Variants in CLYBL observed in about 807,000 individuals in gnomAD.
CLYBL encodes citramalyl-CoA lyase.
CLYBL carries 31 observed loss-of-function variants against 38.9 expected under a neutral mutation model. The observed-to-expected ratio is 0.80, with a 90% confidence interval of 0.60 to 1.08. CLYBL has a LOEUF of 1.08. CLYBL is among the 50% of genes least tolerant of loss of function. The pLI is 0.00. For missense variants in CLYBL, 434 were observed against 411.6 expected (o/e 1.05, Z -0.47); for synonymous variants, 171 against 158.6 (o/e 1.08, Z -0.59).
At chr13:99,650,153 C>T (rs2047231312) in intron 1 of CLYBL, among the ~76,000 whole-genome samples, 2 of 151,804 alleles carry the variant, frequency 1.3e-5, no homozygotes, top group South Asian at 4.2e-4. Flanking sequence ...GTCCCAGCTA[C>T]TCGGGAGGCT....
At chr13:99,787,899 T>TA (rs1337456991) in intron 2 of CLYBL, among the ~76,000 whole-genome samples, 2 of 152,230 alleles carry the variant, frequency 1.3e-5, no homozygotes, top group African/African-American at 4.8e-5. Context: ...TAGTTCTCCT[T>TA]AAAGAGGTCC....
chr13:99,881,962 T>C (rs1247723153), intron 7 of CLYBL, among the ~76,000 whole-genome samples: 1 of 152,234 alleles, frequency 6.6e-6, no homozygotes, highest in Non-Finnish European at 1.5e-5. Context: ...AGTTTACTTT[T>C]GCCCAAATTC....
intron 7 of CLYBL, chr13:99,877,721 C>T (rs1987492): frequency 0.22 from 57,505 of 261,192 alleles, 7,220 homozygotes; most frequent in East Asian, 0.38. Context: ...GGATTACAGG[C>T]GCACAACATG....
intron 2 of CLYBL, among the ~76,000 whole-genome samples, chr13:99,816,205 A>C (rs1455546532): frequency 6.6e-6 from 1 of 152,244 alleles, no homozygotes; most frequent in Non-Finnish European, 1.5e-5. Flanking sequence ...CAGTCACCAG[A>C]GACCAATAAG....
intron 1 of CLYBL, among the ~76,000 whole-genome samples, chr13:99,746,078 G>A (rs1194002752): frequency 1.3e-5 from 2 of 150,352 alleles, no homozygotes; most frequent in African/African-American, 4.9e-5. Flanking sequence ...TCTCAAAATT[G>A]CAGAGCCATT....
intron 1 of CLYBL, among the ~76,000 whole-genome samples, chr13:99,643,465 G>A (rs1208490573): frequency 1.3e-5 from 2 of 152,162 alleles, no homozygotes; most frequent in Non-Finnish European, 2.9e-5. Context: ...ACAGGTAGAA[G>A]CCTGAAACCA....
intron 2 of CLYBL, among the ~76,000 whole-genome samples, chr13:99,824,257 G>GCC (rs57450534): frequency 0.3 from 39,224 of 129,384 alleles, 5,345 homozygotes; most frequent in Middle Eastern, 0.38. Context: ...CTGACTAATA[G>GCC]CCCCCCCCAC....
At chr13:99,784,733 C>T (rs7328521) in intron 2 of CLYBL, among the ~76,000 whole-genome samples, 57,307 of 151,662 alleles carry the variant, frequency 0.38, 11,105 homozygotes, top group Middle Eastern at 0.46. Flanking sequence ...GGATTATAGG[C>T]GTAGGCCACC....
chr13:99,671,049 C>G (rs774723093), intron 1 of CLYBL, among the ~76,000 whole-genome samples: 2 of 152,176 alleles, frequency 1.3e-5, no homozygotes, highest in Non-Finnish European at 2.9e-5. Flanking sequence ...TATGACACAC[C>G]GGTCTCCTTT....
At chr13:99,885,318 A>G (rs1368353366) in intron 7 of CLYBL, among the ~76,000 whole-genome samples, 2 of 152,188 alleles carry the variant, frequency 1.3e-5, no homozygotes, top group Non-Finnish European at 2.9e-5. Context: ...TTTGCCAGAC[A>G]GGGAAAGGGC....
chr13:99,676,097 C>T (rs1004739204), intron 1 of CLYBL, among the ~76,000 whole-genome samples: 2 of 152,176 alleles, frequency 1.3e-5, no homozygotes, highest in African/African-American at 4.8e-5. Flanking sequence ...CTCAGGTGAT[C>T]TGCCCGCCTC....
At chr13:99,651,149 C>T (rs1037536491) in intron 1 of CLYBL, among the ~76,000 whole-genome samples, 1 of 152,224 alleles carries the variant, frequency 6.6e-6, no homozygotes, top group Non-Finnish European at 1.5e-5. Context: ...AGTAGCTTTG[C>T]CCAATGTGAT....
At chr13:99,730,383 G>A (rs949468287) in intron 1 of CLYBL, among the ~76,000 whole-genome samples, 4 of 152,254 alleles carry the variant, frequency 2.6e-5, no homozygotes, top group African/African-American at 9.6e-5. Context: ...GGGCAGCCCA[G>A]CACTGCCCAG....
chr13:99,858,431 C>T (rs916487300), intron 2 of CLYBL, among the ~76,000 whole-genome samples: 1 of 152,144 alleles, frequency 6.6e-6, no homozygotes, highest in African/African-American at 2.4e-5. Flanking sequence ...AGCTGACAGA[C>T]GAGATGGCCA....
At chr13:99,880,066 A>ATG (rs1283526295) in intron 7 of CLYBL, among the ~76,000 whole-genome samples, 2 of 60,770 alleles carry the variant, frequency 3.3e-5, no homozygotes, top group East Asian at 1.0e-3. Flanking sequence ...ATATATATAT[A>ATG]TATTTTTTTT....
intron 2 of CLYBL, among the ~76,000 whole-genome samples, chr13:99,811,859 C>T (rs1389996674): frequency 6.6e-6 from 1 of 152,166 alleles, no homozygotes; most frequent in African/African-American, 2.4e-5. Flanking sequence ...CTGAAATCTA[C>T]AGAGAAATAC....
intron 2 of CLYBL, chr13:99,784,074 A>G (rs2049724523): frequency 6.6e-6 from 1 of 152,220 alleles, no homozygotes; most frequent in African/African-American, 2.4e-5. Flanking sequence ...GTAATGTGCC[A>G]ACGTTGCAGC....
chr13:99,755,018 C>A (rs1429005078), intron 1 of CLYBL, among the ~76,000 whole-genome samples: 1 of 151,878 alleles, frequency 6.6e-6, no homozygotes, highest in Non-Finnish European at 1.5e-5. Flanking sequence ...CTGCTTCAAA[C>A]CCCCGGGTAG....
At chr13:99,746,830 C>G (rs1377945625) in intron 1 of CLYBL, among the ~76,000 whole-genome samples, 1 of 152,220 alleles carries the variant, frequency 6.6e-6, no homozygotes. Context: ...TGGGTAGAGT[C>G]CTGAGCAGTC....
Sources: gnomAD v4.1 joint callset for allele counts (sites outside exome capture counted in the v4.1 genomes callset) on GRCh38, gnomAD v4.1.1 for gene constraint, MANE v1.5 for transcripts, NCBI Gene and HGNC (gene_info 2026-07-23, HGNC 2026-07-21) for gene names.